The following OR10P1 variants were observed in gnomAD, a reference collection of about 807,000 sequenced individuals.
OR10P1 encodes the protein olfactory receptor family 10 subfamily P member 1.
For synonymous variants in OR10P1, 181 were observed against 171.1 expected (o/e 1.06, Z -0.45); for missense variants, 424 against 408.3 (o/e 1.04, Z -0.33).
rs1426689437 is a variant in OR10P1, at chr12:55,637,144, C to A, written c.253C>A (p.Leu85Met). ...TDIVPRTLAN[L>M]GSPHPQAISF... ...CATCGTGCCCAGGACCCTGGCCAAT[C>A]TGGGCTCCCCGCATCCCCAGGCCAT... Residue 85 changes from leucine (L) to methionine (M), a missense_variant, in exon 1 of 1, where the codon CTG becomes ATG. Transcript: ENST00000309675. 1 of 1,614,128 alleles carries A rather than the reference C, an allele frequency of 6.2e-7. No homozygotes were observed. Among genetic ancestry groups the A allele is most frequent in the South Asian group, 1.1e-5 (1 of 91,080 alleles).
In OR10P1 at chr12:55,637,527, C is replaced by T. The variant is rs780175736; in HGVS notation, c.636C>T (p.Phe212=). ...CCATAGTCTTCATTATGATCCCCTT[C>T]TCTCTGATTGTCACCTCTTACATCC... ...TATIVFIMIP[F]SLIVTSYIRI... is the part of the protein sequence containing the mutation. The change falls in exon 1 of 1, where the codon TTC becomes TTT. Residue 212 remains phenylalanine, a synonymous_variant. Coordinates refer to ENST00000309675, the MANE Select transcript of OR10P1 (RefSeq NM_206899.1). 4 of 1,614,118 alleles carry T rather than the reference C, an allele frequency of 2.5e-6. No individual in the cohort carries two copies. Among genetic ancestry groups the T allele is most frequent in the South Asian group, 1.1e-5 (1 of 91,082 alleles).
Position 55,637,360 on chromosome 12 carries a change from G to A in OR10P1, c.469G>A (p.Ala157Thr). The change falls in exon 1 of 1, where the codon GCC (alanine) becomes ACC (threonine). Residue 157 changes from alanine to threonine, a missense_variant. Ala to Thr is a moderately conservative substitution (Grantham distance 58). Coordinates refer to ENST00000309675, the MANE Select transcript of OR10P1 (RefSeq NM_206899.1). ...GTSWLTGIITATTHASLIFSL... is the reference protein window; with the variant it reads ...GTSWLTGIITTTTHASLIFSL... ...CTCCTGGCTCACAGGCATCATCACG[G>A]CCACCACCCATGCCTCCCTCATCTT... 1.9e-6 allele frequency: 3 copies of A among 1,613,062 alleles called. No individual in the cohort carries two copies. Among genetic ancestry groups the A allele is most frequent in the Non-Finnish European group, 2.5e-6 (3 of 1,179,992 alleles).
Position 55,637,598 on chromosome 12 carries a change from G to C in OR10P1, c.707G>C (p.Arg236Pro). The C allele has an allele frequency of 1.2e-6, 2 of 1,614,010 alleles. No individual in the cohort carries two copies. The highest frequency in any genetic ancestry group is 1.7e-6 in the Non-Finnish European group (2 of 1,179,960). Residue 236 changes from arginine to proline, a missense_variant, in exon 1 of 1, where the codon CGC (arginine) becomes CCC (proline). Arg to Pro is a moderately radical substitution (Grantham distance 103, BLOSUM62 -2). Transcript: ENST00000309675. ...GCAATGGCCTCCACCCAGAGCCGCC[G>C]CAAGGTCTTCTCCACCTGCTCCTCC... ...ILAMASTQSR[R>P]KVFSTCSSHL...
At position 55,637,312 on chromosome 12, in the gene OR10P1, G is replaced by A; in HGVS notation, c.421G>A (p.Ala141Thr). 3.1e-6 allele frequency: 5 copies of A among 1,613,932 alleles called. No individual in the cohort carries two copies. In the South Asian group the frequency reaches 4.4e-5, roughly 14 times the overall value. The change falls in exon 1 of 1, where the codon GCC (alanine) becomes ACC (threonine). Residue 141 changes from alanine to threonine, a missense_variant. By Grantham distance (58) the Ala-to-Thr change is moderately conservative. Transcript: ENST00000309675. ...CTATTCCACCCTCTTGAGCCCACGGGCCTGCATGGCCATGGTGGGTACCTC... is the reference window on the plus strand; with the variant it reads ...CTATTCCACCCTCTTGAGCCCACGGACCTGCATGGCCATGGTGGGTACCTC... ...LRYSTLLSPRACMAMVGTSWL... is the reference protein window; with the variant it reads ...LRYSTLLSPRTCMAMVGTSWL...
Position 55,637,239 on chromosome 12 carries a change from C to A in OR10P1, c.348C>A (p.Leu116=). ...TGGGCATCTCGGAGTGCTGCCTGCT[C>A]ACGGCCATGGCCTATGACCGATATG... is the stretch of plus-strand genomic sequence containing the variant. ...IVLGISECCL[L]TAMAYDRYVA... is the part of the protein sequence containing the mutation. Residue 116 remains leucine (L), a synonymous_variant, in exon 1 of 1, where the codon CTC becomes CTA. Coordinates refer to ENST00000309675, the MANE Select transcript of OR10P1 (RefSeq NM_206899.1). 2 of 1,614,134 alleles carry A rather than the reference C, an allele frequency of 1.2e-6. No individual in the cohort carries two copies. The highest frequency in any genetic ancestry group is 1.7e-6 in the Non-Finnish European group (2 of 1,179,994).
chr12:55,636,993 C>T lies in OR10P1; in HGVS notation c.102C>T (p.Val34=). The T allele has an allele frequency of 6.2e-7, 1 of 1,613,818 alleles. No individual in the cohort carries two copies. The highest frequency in any genetic ancestry group is 1.3e-5 in the African/African-American group (1 of 74,996). ...CCCTGTTCTGGGTGGTGCTTCTGGTCTACCTGGTCACCTTGCTGGGTAACT... is the reference window on the plus strand; with the variant it reads ...CCCTGTTCTGGGTGGTGCTTCTGGTTTACCTGGTCACCTTGCTGGGTAACT... ...QGPLFWVVLL[V]YLVTLLGNSL... is the part of the protein sequence containing the mutation. The change falls in exon 1 of 1, where the codon GTC becomes GTT. Residue 34 remains valine (V), a synonymous_variant. Coordinates refer to ENST00000309675, the MANE Select transcript of OR10P1 (RefSeq NM_206899.1).
rs747433743 is a variant in OR10P1, at chr12:55,637,422, C to G, written c.531C>G (p.His177Gln). Residue 177 changes from histidine to glutamine, a missense_variant, in exon 1 of 1, where the codon CAC becomes CAG. His to Gln is a conservative substitution (Grantham distance 24). Transcript: ENST00000309675. ...LPFRSHPIIP[H>Q]FLCDILPVLR... ...TTCGCAGCCACCCGATCATCCCGCA[C>G]TTTCTCTGTGACATCCTGCCAGTAC... The G allele has an allele frequency of 6.2e-7, 1 of 1,613,800 alleles. No homozygotes were observed. Among genetic ancestry groups the G allele is most frequent in the East Asian group, 2.2e-5 (1 of 44,880 alleles).
rs1488582008 is a variant in OR10P1, at chr12:55,637,193, A to T, written c.302A>T (p.Gln101Leu). The T allele has an allele frequency of 6.2e-7, 1 of 1,614,124 alleles. No homozygotes were observed. Among genetic ancestry groups the T allele is most frequent in the Non-Finnish European group, 8.5e-7 (1 of 1,180,012 alleles). ...ATCTCTTTCCAGGGCTGTGCAGCCC[A>T]GATGTACGTCTTCATTGTCCTGGGC... is the stretch of plus-strand genomic sequence containing the variant. ...QAISFQGCAA[Q>L]MYVFIVLGIS... Residue 101 changes from glutamine (Q) to leucine (L), a missense_variant, in exon 1 of 1, where the codon CAG becomes CTG. Gln to Leu is a moderately radical substitution (Grantham distance 113). Transcript: ENST00000309675.
rs1291562000 is a variant in OR10P1, at chr12:55,637,245, C to T, written c.354C>T (p.Ala118=). ...LGISECCLLT[A]MAYDRYVAIC... is the part of the protein sequence containing the mutation. ...TCTCGGAGTGCTGCCTGCTCACGGC[C>T]ATGGCCTATGACCGATATGTTGCCA... is the stretch of plus-strand genomic sequence containing the variant. Residue 118 remains alanine, a synonymous_variant, in exon 1 of 1, where the codon GCC becomes GCT. Transcript: ENST00000309675. 1 of 1,614,166 alleles carries T rather than the reference C, an allele frequency of 6.2e-7. No individual in the cohort carries two copies. The highest frequency in any genetic ancestry group is 2.2e-5 in the East Asian group (1 of 44,882).
In OR10P1 at chr12:55,637,082, G is replaced by A. The variant is rs111904430; in HGVS notation, c.191G>A (p.Arg64His). The part of the protein sequence containing the change: ...ALHSPMYFFL[R>H]QLSVVELFYT... ...CACTCCCCCATGTACTTCTTCCTGC[G>A]CCAACTCTCAGTGGTGGAGCTCTTC... The change falls in exon 1 of 1, where the codon CGC (arginine) becomes CAC (histidine). Residue 64 changes from arginine to histidine, a missense_variant. Coordinates refer to ENST00000309675, the MANE Select transcript of OR10P1 (RefSeq NM_206899.1). The A allele has an allele frequency of 1.8e-5, 29 of 1,613,886 alleles. No individual in the cohort carries two copies. The highest frequency in any genetic ancestry group is 5.5e-5 in the South Asian group (5 of 91,058).
rs199780580 is a variant in OR10P1 at position 55,637,638 on chromosome 12, C to A, written c.747C>A (p.Val249=). Residue 249 remains valine (V), a synonymous_variant, in exon 1 of 1, where the codon GTC becomes GTA. Coordinates refer to ENST00000309675, the MANE Select transcript of OR10P1 (RefSeq NM_206899.1). ...CCTGCTCCTCCCATCTGCTCGTGGTCTCTCTCTTCTTTGGAACAGCCAGCA... is the reference window on the plus strand; with the variant it reads ...CCTGCTCCTCCCATCTGCTCGTGGTATCTCTCTTCTTTGGAACAGCCAGCA... ...FSTCSSHLLV[V]SLFFGTASIT... 6.2e-7 allele frequency: 1 copy of A among 1,614,074 alleles called. No individual in the cohort carries two copies. The highest frequency in any genetic ancestry group is 1.3e-5 in the African/African-American group (1 of 74,920).
rs140326016 is a variant in OR10P1, at chr12:55,637,598, G to A, written c.707G>A (p.Arg236His). The change falls in exon 1 of 1, where the codon CGC becomes CAC. Residue 236 changes from arginine (R) to histidine (H), a missense_variant. Physicochemically the swap from Arg to His is conservative, Grantham distance 29. Transcript: ENST00000309675. Reference protein sequence around the residue: ...ILAMASTQSRRKVFSTCSSHL... With the variant: ...ILAMASTQSRHKVFSTCSSHL... ...GCAATGGCCTCCACCCAGAGCCGCCGCAAGGTCTTCTCCACCTGCTCCTCC... is the reference window on the plus strand; with the variant it reads ...GCAATGGCCTCCACCCAGAGCCGCCACAAGGTCTTCTCCACCTGCTCCTCC... The A allele has an allele frequency of 1.4e-5, 23 of 1,613,892 alleles. No homozygotes were observed. The highest frequency in any genetic ancestry group is 1.1e-4 in the African/African-American group (8 of 74,896).
chr12:55,636,961 C>A lies in OR10P1; in HGVS notation c.70C>A (p.Gln24Lys). The A allele has an allele frequency of 8.7e-6, 14 of 1,613,876 alleles. No homozygotes were observed. Among genetic ancestry groups the A allele is most frequent in the Non-Finnish European group, 1.2e-5 (14 of 1,179,794 alleles). The change falls in exon 1 of 1, where the codon CAG becomes AAG. Residue 24 changes from glutamine (Q) to lysine (K), a missense_variant. By Grantham distance (53) the Gln-to-Lys change is moderately conservative. Transcript: ENST00000309675. ...GGGATTCTCTGACCTCAAGGCCCTGCAGGGCCCCCTGTTCTGGGTGGTGCT... is the reference window on the plus strand; with the variant it reads ...GGGATTCTCTGACCTCAAGGCCCTGAAGGGCCCCCTGTTCTGGGTGGTGCT... ...LLGFSDLKAL[Q>K]GPLFWVVLLV... is the part of the protein sequence containing the mutation.
Position 55,637,164 on chromosome 12 carries a change from G to C in OR10P1, c.273G>C (p.Gln91His), listed in dbSNP as rs764305872. ...CCAATCTGGGCTCCCCGCATCCCCA[G>C]GCCATCTCTTTCCAGGGCTGTGCAG... ...TLANLGSPHP[Q>H]AISFQGCAAQ... Residue 91 changes from glutamine to histidine, a missense_variant, in exon 1 of 1, where the codon CAG becomes CAC. Gln to His is a conservative substitution (Grantham distance 24). Transcript: ENST00000309675. 3 of 1,614,134 alleles carry C rather than the reference G, an allele frequency of 1.9e-6. No homozygotes were observed. The Admixed American group carries it at 5.0e-5, about 27-fold the overall frequency.
chr12:55,637,401 C>T lies in OR10P1; in HGVS notation c.510C>T (p.Arg170=). The change falls in exon 1 of 1, where the codon CGC becomes CGT. Residue 170 remains arginine, a synonymous_variant. Coordinates refer to ENST00000309675, the MANE Select transcript of OR10P1 (RefSeq NM_206899.1). ...CCCTCATCTTCTCTCTACCTTTTCG[C>T]AGCCACCCGATCATCCCGCACTTTC... ...HASLIFSLPF[R]SHPIIPHFLC... The T allele has an allele frequency of 6.2e-7, 1 of 1,613,250 alleles. No individual in the cohort carries two copies.
At position 55,637,033 on chromosome 12, in the gene OR10P1, C is replaced by T. The variant is rs1200779082; in HGVS notation, c.142C>T (p.Leu48Phe). Reference protein sequence around the residue: ...TLLGNSLIILLTQVSPALHSP... With the variant: ...TLLGNSLIILFTQVSPALHSP... ...GCTGGGTAACTCCCTGATCATCCTC[C>T]TCACACAGGTCAGCCCTGCCCTGCA... The change falls in exon 1 of 1, where the codon CTC (leucine) becomes TTC (phenylalanine). Residue 48 changes from leucine (L) to phenylalanine (F), a missense_variant. Leu to Phe is a conservative substitution (Grantham distance 22). Transcript: ENST00000309675. 1.1e-5 allele frequency: 17 copies of T among 1,613,910 alleles called. No individual in the cohort carries two copies. The highest frequency in any genetic ancestry group is 1.4e-5 in the Non-Finnish European group (17 of 1,179,986).
chr12:55,637,818 G>C lies in OR10P1; in HGVS notation c.927G>C (p.Gln309His). 3.1e-6 allele frequency: 5 copies of C among 1,600,504 alleles called. No individual in the cohort carries two copies. The South Asian group carries it at 5.5e-5, about 18-fold the overall frequency. Residue 309 changes from glutamine to histidine, a missense_variant, in exon 1 of 1, where the codon CAG becomes CAC. Transcript: ENST00000309675. ...RRALRHLVKRQRPSP is the reference protein window; with the variant it reads ...RRALRHLVKRHRPSP Reference sequence around the variant, plus strand: ...CCCTGCGACACTTGGTGAAGAGGCAGCGCCCCTCACCCTGAAGGGACTCGG... The same window carrying C: ...CCCTGCGACACTTGGTGAAGAGGCACCGCCCCTCACCCTGAAGGGACTCGG...
Position 55,637,780 on chromosome 12 carries a change from G to C in OR10P1, c.889G>C (p.Asp297His). ...NPIIYTLRNKDVRRALRHLVK... is the reference protein window; with the variant it reads ...NPIIYTLRNKHVRRALRHLVK... ...CATCATCTACACCCTTCGGAACAAG[G>C]ACGTGAGGAGGGCCCTGCGACACTT... The change falls in exon 1 of 1, where the codon GAC becomes CAC. Residue 297 changes from aspartate to histidine, a missense_variant. Asp to His is a moderately conservative substitution (Grantham distance 81). Transcript: ENST00000309675. 2 of 1,611,684 alleles carry C rather than the reference G, an allele frequency of 1.2e-6. No homozygotes were observed. The highest frequency in any genetic ancestry group is 8.5e-7 in the Non-Finnish European group (1 of 1,179,992).
Position 55,637,349 on chromosome 12 carries a change from G to A in OR10P1, c.458G>A (p.Gly153Asp). ...MAMVGTSWLT[G>D]IITATTHASL... ...ATGGTGGGTACCTCCTGGCTCACAGGCATCATCACGGCCACCACCCATGCC... is the reference window on the plus strand; with the variant it reads ...ATGGTGGGTACCTCCTGGCTCACAGACATCATCACGGCCACCACCCATGCC... Residue 153 changes from glycine (G) to aspartate (D), a missense_variant, in exon 1 of 1, where the codon GGC becomes GAC. By Grantham distance (94) the Gly-to-Asp change is moderately conservative. Coordinates refer to ENST00000309675, the MANE Select transcript of OR10P1 (RefSeq NM_206899.1). 1 of 1,613,216 alleles carries A rather than the reference G, an allele frequency of 6.2e-7. No homozygotes were observed. Among genetic ancestry groups the A allele is most frequent in the Non-Finnish European group, 8.5e-7 (1 of 1,179,986 alleles).
Sources: gnomAD v4.1 joint callset for allele counts on GRCh38, gnomAD v4.1.1 for gene constraint, MANE v1.5 for transcripts, NCBI Gene and HGNC (gene_info 2026-07-23, HGNC 2026-07-21) for gene names.